The following FRMPD1 variants were observed in gnomAD, a reference collection of about 807,000 sequenced individuals.
The protein encoded by FRMPD1 is FERM and PDZ domain containing 1, also known as FERM and PDZ domain-containing protein 1.
In FRMPD1, 76 loss-of-function variants were observed where a neutral mutation model predicts 117.8. That is an observed-to-expected ratio of 0.65 (90% CI 0.54 to 0.78). The LOEUF (loss-of-function observed/expected upper bound fraction) is 0.78. FRMPD1 is among the 30% of genes least tolerant of loss of function. The pLI is 0.00. For synonymous variants in FRMPD1, 783 were observed against 770.4 expected (o/e 1.02, Z -0.27); for missense variants, 1,786 against 1,964.5 (o/e 0.91, Z 1.72).
chr9:37,701,786 T>C (rs1327990170), intron 2 of FRMPD1, among the ~76,000 whole-genome samples: 1 of 152,104 alleles, frequency 6.6e-6, no homozygotes, highest in Non-Finnish European at 1.5e-5. Flanking sequence ...GTCTGGCTGC[T>C]AGATGGAGAA....
intron 2 of FRMPD1, among the ~76,000 whole-genome samples, chr9:37,698,846 C>G (rs1822427755): frequency 6.6e-6 from 1 of 152,186 alleles, no homozygotes; most frequent in Non-Finnish European, 1.5e-5. Context: ...TCAAGTGATT[C>G]TCCTGCCTCA....
chr9:37,676,654 A>G (rs1164641681), intron 1 of FRMPD1, among the ~76,000 whole-genome samples: 2 of 152,184 alleles, frequency 1.3e-5, no homozygotes, highest in Non-Finnish European at 2.9e-5. Context: ...CTTAATTAAG[A>G]CAGCCAGAGT....
At chr9:37,729,681 T>TA in intron 7 of FRMPD1, 47 bp from the exon 8 acceptor site, 1 of 1,595,338 alleles carries the variant, frequency 6.3e-7, no homozygotes, top group South Asian at 1.1e-5. Flanking sequence ...GCCAGGGAAG[T>TA]CCTTCCTGTT....
chr9:37,724,110 G>A (rs567184734), intron 6 of FRMPD1, 115 bp from the exon 7 acceptor site: 10 of 514,500 alleles, frequency 1.9e-5, no homozygotes, highest in African/African-American at 1.3e-4. Flanking sequence ...GGGAGTCAGA[G>A]GTTGAGTGAG....
At chr9:37,687,994 A>C (rs74307394) in intron 1 of FRMPD1, among the ~76,000 whole-genome samples, 6,205 of 152,190 alleles carry the variant, frequency 0.041, 461 homozygotes, top group East Asian at 0.36. Context: ...ATAGGTCTCT[A>C]TTAATTCAGG....
intron 5 of FRMPD1, among the ~76,000 whole-genome samples, chr9:37,713,600 TAGAGAG>T (rs1180267224): frequency 6.7e-6 from 1 of 149,698 alleles, no homozygotes; most frequent in Admixed American, 6.7e-5. Flanking sequence ...TATATATATG[TAGAGAG>T]AGAGAGAGAG....
chr9:37,744,280 C>G, intron 15 of FRMPD1, 109 bp from the exon 16 acceptor site: 1 of 748,106 alleles, frequency 1.3e-6, no homozygotes, highest in Admixed American at 2.4e-5. Context: ...CTCAAGGTTA[C>G]ACAGCCTAGC....
chr9:37,686,442 G>A lies in FRMPD1; in HGVS notation c.-4-6196G>A, dbSNP rs572085692. ...ACCGTAGAGAAGATTCAAACGTTTT[G>A]GATGATGTGGACATTTACTTCCTTC... is the stretch of plus-strand genomic sequence containing the variant. On this transcript the variant is annotated intron_variant, in intron 1 of 15. Coordinates refer to ENST00000377765, the MANE Select transcript of FRMPD1 (RefSeq NM_014907.3). Among the ~76,000 whole-genome samples, 7 of 152,344 alleles carry A rather than the reference G, an allele frequency of 4.6e-5. No homozygotes were observed. The East Asian group carries it at 1.3e-3, about 29-fold the overall frequency.
chr9:37,742,132 G>T (rs964788710), intron 15 of FRMPD1, among the ~76,000 whole-genome samples: 1 of 152,166 alleles, frequency 6.6e-6, no homozygotes, highest in Non-Finnish European at 1.5e-5. Context: ...TCTAGCAATT[G>T]TTGTTAAATG....
At chr9:37,625,828 A>G in the FRMPD1 span, among the ~76,000 whole-genome samples, 3 of 152,238 alleles carry the variant, frequency 2.0e-5, no homozygotes, top group East Asian at 5.8e-4. Context: ...TTGCTCCTCC[A>G]GGCCCAGAAC....
At chr9:37,638,987 A>G in the FRMPD1 span, among the ~76,000 whole-genome samples, 16 of 152,402 alleles carry the variant, frequency 1.0e-4, no homozygotes, top group African/African-American at 3.8e-4. Flanking sequence ...CCAGGTAAAA[A>G]TAAATGTGTA....
intron 1 of FRMPD1, among the ~76,000 whole-genome samples, chr9:37,672,686 A>T (rs1055013869): frequency 2.6e-5 from 4 of 152,172 alleles, no homozygotes; most frequent in African/African-American, 9.7e-5. Flanking sequence ...TGATAAAGAC[A>T]TACCCGAGAC....
chr9:37,612,358 T>G, the FRMPD1 span, among the ~76,000 whole-genome samples: 1 of 140,616 alleles, frequency 7.1e-6, no homozygotes, highest in Non-Finnish European at 1.6e-5. Flanking sequence ...TGTTTTTGTT[T>G]TTGTTTTTGA....
chr9:37,655,496 CTTTTTTTTTT>C (rs10615941), intron 1 of FRMPD1, among the ~76,000 whole-genome samples: 5 of 88,600 alleles, frequency 5.6e-5, no homozygotes, highest in Admixed American at 1.5e-4. Context: ...TGTCCCCACT[CTTTTTTTTTT>C]TTTTTTTTTT....
At chr9:37,688,658 A>G (rs1417159266) in intron 1 of FRMPD1, among the ~76,000 whole-genome samples, 1 of 152,136 alleles carries the variant, frequency 6.6e-6, no homozygotes, top group Non-Finnish European at 1.5e-5. Context: ...GTCCAATGAT[A>G]GATTTATTAA....
In FRMPD1 at chr9:37,711,460, C is replaced by G. The variant is rs1195260686; in HGVS notation, c.408+65C>G. The G allele has an allele frequency of 8.4e-6, 10 of 1,189,366 alleles. 1 individual carries two copies. The highest frequency in any genetic ancestry group is 1.2e-5 in the South Asian group (1 of 82,312). The allele number at this position is 1,189,366 out of a possible 1,614,324, so 73.7% of individuals were successfully genotyped here. Reference sequence around the variant, plus strand: ...TCTTGGCCCTAAGACCCTGTTCCCCCAGAGGATATCCCTCATAAAGTAAGC... The same window carrying G: ...TCTTGGCCCTAAGACCCTGTTCCCCGAGAGGATATCCCTCATAAAGTAAGC... On this transcript the variant is annotated intron_variant, in intron 5 of 15. Transcript: ENST00000377765.
chr9:37,740,690 A>G lies in FRMPD1; in HGVS notation c.2162A>G (p.Asp721Gly). 6.2e-7 allele frequency: 1 copy of G among 1,614,154 alleles called. No individual in the cohort carries two copies. The highest frequency in any genetic ancestry group is 2.2e-5 in the East Asian group (1 of 44,864). ...GTCTCCCCGGCCAGCTACCTGAGTG[A>G]CAGTTCCGAGAGTACAGCTTCCCGG... is the stretch of plus-strand genomic sequence containing the variant. ...SSVSPASYLS[D>G]SSESTASRQG... The change falls in exon 15 of 16, where the codon GAC becomes GGC. Residue 721 changes from aspartate (D) to glycine (G), a missense_variant. Asp to Gly is a moderately conservative substitution (Grantham distance 94, BLOSUM62 -1). Coordinates refer to ENST00000377765, the MANE Select transcript of FRMPD1 (RefSeq NM_014907.3). This position sits in a 1 kb window ranked among gnomAD's most constrained non-coding sequence, Gnocchi z 4.2.
rs753191032 is a variant in FRMPD1 at position 37,740,622 on chromosome 9, G to T, written c.2094G>T (p.Leu698=). ...GCACAGTCAGGCTGGACCCCAGGCT[G>T]TATGAAGGCAGCCACGCTGACTACT... is the stretch of plus-strand genomic sequence containing the variant. The part of the protein sequence containing the change: ...ELSTVRLDPR[L]YEGSHADYYS... Residue 698 remains leucine, a synonymous_variant, in exon 15 of 16, where the codon CTG becomes CTT. Transcript: ENST00000377765. The surrounding 1 kb of genome is among the most constrained non-coding windows in gnomAD (Gnocchi z 4.2). 4.3e-6 allele frequency: 7 copies of T among 1,614,088 alleles called. No homozygotes were observed. Among genetic ancestry groups the T allele is most frequent in the Admixed American group, 1.7e-5 (1 of 60,010 alleles).
chr9:37,631,470 G>A, the FRMPD1 span, among the ~76,000 whole-genome samples: 9 of 152,262 alleles, frequency 5.9e-5, no homozygotes, highest in African/African-American at 2.2e-4. Context: ...ATTAAGGGAA[G>A]CATGGAGGTT....
Sources: gnomAD v4.1 joint callset for allele counts (sites outside exome capture counted in the v4.1 genomes callset) on GRCh38, gnomAD v4.1.1 for gene constraint, Gnocchi (gnomAD v3.1) non-coding constraint, MANE v1.5 for transcripts, NCBI Gene and HGNC (gene_info 2026-07-23, HGNC 2026-07-21) for gene names.